Variants in STEAP2 observed in about 807,000 individuals in gnomAD.
STEAP2 encodes the protein metalloreductase STEAP2.
STEAP2 carries 30 observed loss-of-function variants against 46.4 expected under a neutral mutation model. That is an observed-to-expected ratio of 0.65 (90% CI 0.48 to 0.88). The LOEUF is 0.88. Ranked by LOEUF, STEAP2 falls within the 40% of genes least tolerant of loss-of-function variation. The probability of loss-of-function intolerance (pLI) is 0.00; values close to 1 mark genes in which losing one functional copy is unlikely to be tolerated. For synonymous variants in STEAP2, 180 were observed against 200.5 expected (o/e 0.90, Z 0.86); for missense variants, 513 against 579.3 (o/e 0.89, Z 1.18).
At position 90,234,975 on chromosome 7, in the gene STEAP2, CA is replaced by C. The variant is rs1418016488; in HGVS notation, c.*2356del. On this transcript the variant is annotated 3_prime_UTR_variant, in exon 6 of 6. Coordinates refer to ENST00000394621, the MANE Select transcript of STEAP2 (RefSeq NM_001244944.2). ...GTTGGGCAATGATAACTTTTATGGG[CA>C]AAAACATTCTATTATAGTGAACTAA... 18 of 972,456 alleles carry C rather than the reference CA, an allele frequency of 1.9e-5. No homozygotes were observed. Among genetic ancestry groups the C allele is most frequent in the Non-Finnish European group, 2.1e-5 (17 of 818,252 alleles). 60.2% of individuals were successfully genotyped at this position (972,456 alleles called of 1,614,324 possible). A position where few individuals can be genotyped will look rare whatever the true frequency, so the allele number is the denominator to read the frequency against.
chr7:90,243,091 C>G (rs17866479), downstream of STEAP2, among the ~76,000 whole-genome samples: 2,166 of 152,302 alleles, frequency 0.014, 22 homozygotes, highest in Non-Finnish European at 0.021. Flanking sequence ...GCTCACTACT[C>G]TCAACAAAAC....
At position 90,233,023 on chromosome 7, in the gene STEAP2, T is replaced by A; in HGVS notation, c.*399T>A. ...ATACATTTTTTTCTGAAGATTAAGA[T>A]TTTAATTATTCAACTTAAAAAGTAG... On this transcript the variant is annotated 3_prime_UTR_variant, in exon 6 of 6. Coordinates refer to ENST00000394621, the MANE Select transcript of STEAP2 (RefSeq NM_001244944.2). The A allele has an allele frequency of 1.0e-6, 1 of 966,858 alleles. No homozygotes were observed. Among genetic ancestry groups the A allele is most frequent in the Non-Finnish European group, 1.2e-6 (1 of 812,848 alleles). The allele number at this position is 966,858 out of a possible 1,614,324, so 59.9% of individuals were successfully genotyped here. A position where few individuals can be genotyped will look rare whatever the true frequency, so the allele number is the denominator to read the frequency against.
downstream of STEAP2, chr7:90,238,240 C>G: frequency 1.5e-6 from 1 of 681,248 alleles, no homozygotes. Context: ...TGCACCAGAT[C>G]TGTCTGTGGA....
rs1167308634 is a variant in STEAP2, at chr7:90,234,240, T to TA, written c.*1618dup. The TA allele has an allele frequency of 1.9e-5, 19 of 985,326 alleles. No homozygotes were observed. In the African/African-American group the frequency reaches 3.3e-4, roughly 17 times the overall value. The allele number at this position is 985,326 out of a possible 1,614,324, so 61.0% of individuals were successfully genotyped here. A position where few individuals can be genotyped will look rare whatever the true frequency, so the allele number is the denominator to read the frequency against. On this transcript the variant is annotated 3_prime_UTR_variant, in exon 6 of 6. Transcript: ENST00000394621. ...TTTTTCAGTGCTGTCCTTCCACATT[T>TA]AATTGCATTTTGCTCAAACTGTAGA...
Position 90,237,096 on chromosome 7 carries a change from C to G in STEAP2, c.*4472C>G. The G allele has an allele frequency of 1.2e-6, 1 of 845,764 alleles. No homozygotes were observed. The highest frequency in any genetic ancestry group is 1.8e-6 in the Non-Finnish European group (1 of 552,968). The allele number at this position is 845,764 out of a possible 1,614,324, so 52.4% of individuals were successfully genotyped here. A position where few individuals can be genotyped will look rare whatever the true frequency, so the allele number is the denominator to read the frequency against. ...CCTTTTTCATCCCTTCATCTTGCTG[C>G]TGGGATTGTGGATATAACAGGAGCC... On this transcript the variant is annotated 3_prime_UTR_variant, in exon 6 of 6. Transcript: ENST00000394621.
intron 2 of STEAP2, among the ~76,000 whole-genome samples, chr7:90,219,775 G>A (rs1199879736): frequency 6.6e-6 from 1 of 152,098 alleles, no homozygotes; most frequent in African/African-American, 2.4e-5. Flanking sequence ...TTGCCCAGGA[G>A]GGAGTGCGGT....
downstream of STEAP2, among the ~76,000 whole-genome samples, chr7:90,239,936 G>A (rs932960659): frequency 1.3e-5 from 2 of 152,050 alleles, no homozygotes; most frequent in Non-Finnish European, 2.9e-5. Flanking sequence ...TTTGTTTTTA[G>A]GCTTTGTTTC....
rs541507972 is a variant in STEAP2, at chr7:90,228,091, T to TA, written c.1020+604dup. On this transcript the variant is annotated intron_variant, in intron 4 of 5. Transcript: ENST00000394621. ...GTGAAGCTTTTCTAGCACTTAGCTC[T>TA]AAAAAAAAAAATCTCAGGGAGCACT... 9.6e-4 allele frequency among the ~76,000 whole-genome samples: 142 copies of TA among 147,458 alleles called. 1 individual carries two copies. The highest frequency in any genetic ancestry group is 4.1e-3 in the South Asian group (19 of 4,682).
Position 90,234,811 on chromosome 7 carries a change from C to CA in STEAP2, c.*2190dup, listed in dbSNP as rs1795904950. The CA allele has an allele frequency of 1.1e-6, 1 of 945,528 alleles. No homozygotes were observed. Among genetic ancestry groups the CA allele is most frequent in the African/African-American group, 1.8e-5 (1 of 56,300 alleles). The allele number at this position is 945,528 out of a possible 1,614,324, so 58.6% of individuals were successfully genotyped here. ...CTCGTGATCCGCCCGCCTTGGCCTC[C>CA]AAAGTGCTGGGATTACAGGTGTGAG... On this transcript the variant is annotated 3_prime_UTR_variant, in exon 6 of 6. Coordinates refer to ENST00000394621, the MANE Select transcript of STEAP2 (RefSeq NM_001244944.2).
In STEAP2 at chr7:90,235,849, T is replaced by G; in HGVS notation, c.*3225T>G. The G allele has an allele frequency of 5.3e-6, 4 of 752,654 alleles. No individual in the cohort carries two copies. The highest frequency in any genetic ancestry group is 6.5e-6 in the Non-Finnish European group (4 of 617,656). The allele number at this position is 752,654 out of a possible 1,614,324, so 46.6% of individuals were successfully genotyped here. The stretch of plus-strand genomic sequence containing the variant: ...TTGAATTGTAAAATATTTAAAAGTA[T>G]GAATAAAATATATTTATAGGTATTT... On this transcript the variant is annotated 3_prime_UTR_variant, in exon 6 of 6. Transcript: ENST00000394621.
downstream of STEAP2, among the ~76,000 whole-genome samples, chr7:90,239,322 G>T (rs1796030903): frequency 6.6e-6 from 1 of 152,190 alleles, no homozygotes; most frequent in Admixed American, 6.5e-5. Flanking sequence ...GCCTCGAGAT[G>T]AAACCAATCC....
chr7:90,232,441 A>G lies in STEAP2; in HGVS notation c.1290A>G (p.Pro430=). 1 of 1,613,782 alleles carries G rather than the reference A, an allele frequency of 6.2e-7. No individual in the cohort carries two copies. The highest frequency in any genetic ancestry group is 8.5e-7 in the Non-Finnish European group (1 of 1,179,762). The change falls in exon 6 of 6, where the codon CCA becomes CCG. Residue 430 remains proline (P), a synonymous_variant. Transcript: ENST00000394621. ...EEEYYRFYTP[P]NFVLALVLPS... is the part of the protein sequence containing the mutation. ...AGTACTACAGATTTTATACACCACCAAACTTTGTTCTTGCTCTTGTTTTGC... is the reference window on the plus strand; with the variant it reads ...AGTACTACAGATTTTATACACCACCGAACTTTGTTCTTGCTCTTGTTTTGC...
chr7:90,235,034 A>G lies in STEAP2; in HGVS notation c.*2410A>G. On this transcript the variant is annotated 3_prime_UTR_variant, in exon 6 of 6. Coordinates refer to ENST00000394621, the MANE Select transcript of STEAP2 (RefSeq NM_001244944.2). The stretch of plus-strand genomic sequence containing the variant: ...AACAGCGTATTTTCAATATTTTCTT[A>G]TTCCTTAAATTCCACTCTTTTAACA... 1.0e-6 allele frequency: 1 copy of G among 952,842 alleles called. No homozygotes were observed. Among genetic ancestry groups the G allele is most frequent in the Non-Finnish European group, 1.2e-6 (1 of 800,026 alleles). 59.0% of individuals were successfully genotyped at this position (952,842 alleles called of 1,614,324 possible). A position where few individuals can be genotyped will look rare whatever the true frequency, so the allele number is the denominator to read the frequency against.
chr7:90,242,521 C>A (rs1221299996), downstream of STEAP2, among the ~76,000 whole-genome samples: 1 of 152,138 alleles, frequency 6.6e-6, no homozygotes, highest in African/African-American at 2.4e-5. Context: ...CTAGGATGAC[C>A]ACACAAAGGA....
At chr7:90,232,178 ATAT>A (rs1795781801) in intron 5 of STEAP2, among the ~76,000 whole-genome samples, 156 bp from the exon 6 acceptor site, 4 of 152,024 alleles carry the variant, frequency 2.6e-5, no homozygotes, top group Admixed American at 6.5e-5. Flanking sequence ...AAAAATATTA[ATAT>A]TATTTAATTC....
At chr7:90,239,515 C>T (rs1404236422), downstream of STEAP2, among the ~76,000 whole-genome samples, 2 of 152,160 alleles carry the variant, frequency 1.3e-5, no homozygotes, top group Non-Finnish European at 1.5e-5. Context: ...TTGGAACAAA[C>T]CTGTCTGATT....
intron 4 of STEAP2, among the ~76,000 whole-genome samples, chr7:90,229,513 A>G (rs1372830356): frequency 1.3e-5 from 2 of 152,182 alleles, no homozygotes; most frequent in African/African-American, 2.4e-5. Context: ...TAGTACTTCA[A>G]AACTAAGTTT....
intron 2 of STEAP2, among the ~76,000 whole-genome samples, chr7:90,223,653 C>T (rs1795355790): frequency 6.6e-6 from 1 of 152,150 alleles, no homozygotes; most frequent in Non-Finnish European, 1.5e-5. Context: ...CAGCCATGTT[C>T]TTTACAAAGG....
rs1409591231 is a variant in STEAP2 at position 90,233,422 on chromosome 7, T to A, written c.*798T>A. ...ACCAATCCTAGGAACTGTATACTAGTTCCTACTTAGAACAAAAGTATCAAG... is the reference window on the plus strand; with the variant it reads ...ACCAATCCTAGGAACTGTATACTAGATCCTACTTAGAACAAAAGTATCAAG... On this transcript the variant is annotated 3_prime_UTR_variant, in exon 6 of 6. Coordinates refer to ENST00000394621, the MANE Select transcript of STEAP2 (RefSeq NM_001244944.2). 1 of 985,316 alleles carries A rather than the reference T, an allele frequency of 1.0e-6. No homozygotes were observed. The highest frequency in any genetic ancestry group is 4.7e-5 in the South Asian group (1 of 21,292). 61.0% of individuals were successfully genotyped at this position (985,316 alleles called of 1,614,324 possible). A position where few individuals can be genotyped will look rare whatever the true frequency, so the allele number is the denominator to read the frequency against.
Sources: gnomAD v4.1 joint callset for allele counts (sites outside exome capture counted in the v4.1 genomes callset) on GRCh38, gnomAD v4.1.1 for gene constraint, MANE v1.5 for transcripts, NCBI Gene and HGNC (gene_info 2026-07-23, HGNC 2026-07-21) for gene names.